SYNCRIP: variants seen among roughly 807,000 people sequenced by gnomAD.
SYNCRIP encodes the protein synaptotagmin binding cytoplasmic RNA interacting protein.
In SYNCRIP, 9 loss-of-function variants were observed where a neutral mutation model predicts 68.9. The ratio of observed to expected loss-of-function variants is 0.13; its 90% CI spans 0.08 to 0.23. The LOEUF (loss-of-function observed/expected upper bound fraction) is 0.23, where lower values mean the gene tolerates loss of function less well. SYNCRIP is among the 10% of genes least tolerant of loss of function. The pLI, the probability that SYNCRIP is intolerant of heterozygous loss-of-function variation, is 1.00. For synonymous variants in SYNCRIP, 258 were observed against 254.0 expected (o/e 1.02, Z -0.15); for missense variants, 414 against 770.6 (o/e 0.54, Z 5.48).
intron 10 of SYNCRIP, among the ~76,000 whole-genome samples, chr6:85,615,747 C>A (rs1394171477): frequency 6.6e-6 from 1 of 152,150 alleles, no homozygotes; most frequent in African/African-American, 2.4e-5. Context: ...GTGGCGGAGG[C>A]TGCAGTAAGC....
intron 6 of SYNCRIP, among the ~76,000 whole-genome samples, chr6:85,633,924 A>G (rs1318721981): frequency 1.3e-5 from 2 of 152,170 alleles, no homozygotes; most frequent in Non-Finnish European, 2.9e-5. Flanking sequence ...ACCCTGCCAA[A>G]AGTATCTTTT....
At chr6:85,616,295 G>A (rs117816070) in intron 10 of SYNCRIP, among the ~76,000 whole-genome samples, 2,284 of 152,076 alleles carry the variant, frequency 0.015, 32 homozygotes, top group Non-Finnish European at 0.022. Flanking sequence ...TAATTTACTC[G>A]TGTTTTTTAT....
chr6:85,634,317 C>CTATAAATAAGT lies in SYNCRIP; in HGVS notation c.666+2639_666+2649dup, dbSNP rs560135269. Among the ~76,000 whole-genome samples the CTATAAATAAGT allele has an allele frequency of 1.8e-3, 268 of 152,302 alleles. 3 individuals carry two copies. The highest frequency in any genetic ancestry group is 6.3e-3 in the African/African-American group (263 of 41,564). On this transcript the variant is annotated intron_variant, in intron 6 of 10. Transcript: ENST00000369622. ...TTACTGTAAAGTTTCTGGAAAACATCTATAAATAAGTTATAGTGGTCACCT... is the reference window on the plus strand; with the variant it reads ...TTACTGTAAAGTTTCTGGAAAACATCTATAAATAAGTTATAAATAAGTTATAGTGGTCACCT...
At chr6:85,610,182 TTTC>T (rs1169955765), downstream of SYNCRIP, 1 of 151,968 alleles carries the variant, frequency 6.6e-6, no homozygotes, top group African/African-American at 2.4e-5. Flanking sequence ...ACAGTTAGTA[TTTC>T]TTCTCAGAAC....
chr6:85,639,884 G>C (rs1808926742), intron 4 of SYNCRIP, among the ~76,000 whole-genome samples: 3 of 152,026 alleles, frequency 2.0e-5, no homozygotes, highest in African/African-American at 7.2e-5. Flanking sequence ...AAAAAAGCCA[G>C]TTGCCAAATG....
intron 6 of SYNCRIP, among the ~76,000 whole-genome samples, chr6:85,635,928 T>C (rs1205191482): frequency 1.3e-5 from 2 of 152,128 alleles, no homozygotes; most frequent in African/African-American, 4.8e-5. Flanking sequence ...TAAGTTTGTC[T>C]GGAATTACCC....
chr6:85,625,545 G>A (rs1806941252), intron 6 of SYNCRIP, among the ~76,000 whole-genome samples: 1 of 151,936 alleles, frequency 6.6e-6, no homozygotes, highest in African/African-American at 2.4e-5. Context: ...CTGCCACCAT[G>A]CCCGGCTATT....
intron 8 of SYNCRIP, among the ~76,000 whole-genome samples, chr6:85,621,824 C>G (rs1257714017): frequency 2.0e-5 from 3 of 149,906 alleles, no homozygotes; most frequent in Admixed American, 6.6e-5. Flanking sequence ...GACTTTTAAC[C>G]CCAAAACCAT....
chr6:85,635,794 A>AG, intron 6 of SYNCRIP, among the ~76,000 whole-genome samples: 1 of 150,736 alleles, frequency 6.6e-6, no homozygotes, highest in South Asian at 2.1e-4. Context: ...AAAAAAAAAA[A>AG]AAAGAAAAGG....
At chr6:85,631,294 G>A (rs989630457) in intron 6 of SYNCRIP, among the ~76,000 whole-genome samples, 8 of 139,252 alleles carry the variant, frequency 5.7e-5, no homozygotes, top group Admixed American at 2.3e-4. Context: ...AGCTGTGATC[G>A]CACCACTGCC....
chr6:85,620,506 G>A (rs1806268783), intron 8 of SYNCRIP, among the ~76,000 whole-genome samples: 1 of 152,208 alleles, frequency 6.6e-6, no homozygotes, highest in Non-Finnish European at 1.5e-5. Context: ...GTGGTTGAAT[G>A]GGGAGGGATG....
At chr6:85,616,893 AG>A (rs1805837764) in intron 10 of SYNCRIP, among the ~76,000 whole-genome samples, 1 of 152,206 alleles carries the variant, frequency 6.6e-6, no homozygotes, top group African/African-American at 2.4e-5. Context: ...GGCATCTAGC[AG>A]GAAGAGGCCA....
chr6:85,635,242 G>T (rs913226712), intron 6 of SYNCRIP, among the ~76,000 whole-genome samples: 1 of 151,998 alleles, frequency 6.6e-6, no homozygotes, highest in African/African-American at 2.4e-5. Context: ...CCCTCAAATT[G>T]AACTGCTGAA....
intron 6 of SYNCRIP, among the ~76,000 whole-genome samples, chr6:85,629,516 C>CAAAAAAAAAAAAACAA (rs1807459571): frequency 1.5e-5 from 1 of 64,922 alleles, no homozygotes; most frequent in Non-Finnish European, 2.6e-5. Context: ...ACTAAAAATA[C>CAAAAAAAAAAAAACAA]AAAAAAAAAA....
chr6:85,611,743 A>G (rs1430017376), downstream of SYNCRIP: 1 of 152,548 alleles, frequency 6.6e-6, no homozygotes, highest in Non-Finnish European at 1.5e-5. Flanking sequence ...GACCTGCATA[A>G]GAAATGGAAA....
chr6:85,608,571 G>A (rs1028397203), exon 12 of SYNCRIP: 1 of 151,964 alleles, frequency 6.6e-6, no homozygotes, highest in Admixed American at 6.6e-5. Flanking sequence ...TTTTCAGTGA[G>A]ATGAAAGGAA....
At chr6:85,642,420 C>G (rs1213362353) in intron 1 of SYNCRIP, among the ~76,000 whole-genome samples, 1 of 152,178 alleles carries the variant, frequency 6.6e-6, no homozygotes. Flanking sequence ...TCAACGCCCG[C>G]GGGACCGTGA....
chr6:85,625,064 G>C (rs1806880971), intron 6 of SYNCRIP, among the ~76,000 whole-genome samples: 1 of 152,102 alleles, frequency 6.6e-6, no homozygotes, highest in Non-Finnish European at 1.5e-5. Flanking sequence ...GCCCATCCTT[G>C]CTAGGTACAC....
Position 85,622,514 on chromosome 6 carries a change from T to C in SYNCRIP, c.976A>G (p.Ile326Val), listed in dbSNP as rs1352079569. Residue 326 changes from isoleucine to valine, a missense_variant, in exon 8 of 11, where the codon ATA (isoleucine) becomes GTA (valine). By Grantham distance (29) the Ile-to-Val change is conservative. Transcript: ENST00000369622. ...NVGTVEWADPIEDPDPEVMAK... is the reference protein window; with the variant it reads ...NVGTVEWADPVEDPDPEVMAK... Reference sequence around the variant, plus strand: ...ATAACCTCAGGATCAGGATCTTCTATAGGATCAGCCCATTCAACAGTTCCA... The same window carrying C: ...ATAACCTCAGGATCAGGATCTTCTACAGGATCAGCCCATTCAACAGTTCCA... 12 of 1,614,204 alleles carry C rather than the reference T, an allele frequency of 7.4e-6. No homozygotes were observed. The highest frequency in any genetic ancestry group is 2.2e-5 in the East Asian group (1 of 44,886).
Sources: allele counts gnomAD v4.1 joint callset (sites outside exome capture counted in the v4.1 genomes callset), GRCh38; gene constraint gnomAD v4.1.1; transcripts MANE v1.5; gene names NCBI Gene and HGNC (gene_info 2026-07-23, HGNC 2026-07-21).